Variants in LRP1B observed in about 807,000 individuals in gnomAD.
LRP1B encodes low-density lipoprotein receptor-related protein 1B.
LRP1B carries 217 observed loss-of-function variants against 556.6 expected under a neutral mutation model. The ratio of observed to expected loss-of-function variants is 0.39; its 90% confidence interval spans 0.35 to 0.44. The LOEUF is 0.44. Ranked by LOEUF, LRP1B falls within the 20% of genes least tolerant of loss-of-function variation. The probability of loss-of-function intolerance (pLI) is 1.00; values close to 1 mark genes in which losing one functional copy is unlikely to be tolerated. For synonymous variants in LRP1B, 2,047 were observed against 1,865.8 expected, an observed-to-expected ratio of 1.10 and a Z score of -2.50; for missense variants, 5,053 against 5,620.8, an observed-to-expected ratio of 0.90 and a Z score of 3.23.
At chr2:140,833,819 T>A (rs756969920) in intron 31 of LRP1B, among the ~76,000 whole-genome samples, 1 of 152,200 alleles carries the variant, frequency 6.6e-6, no homozygotes, top group African/African-American at 2.4e-5. Context: ...ACAAAGGTTA[T>A]GTTTAATATG....
At chr2:141,633,472 C>T (rs1302384520) in intron 2 of LRP1B, among the ~76,000 whole-genome samples, 1 of 152,078 alleles carries the variant, frequency 6.6e-6, no homozygotes, top group African/African-American at 2.4e-5. Context: ...AAAAGTTAGC[C>T]TCAAGTTACA....
chr2:140,924,010 T>C (rs1694816006), intron 20 of LRP1B, among the ~76,000 whole-genome samples: 1 of 151,970 alleles, frequency 6.6e-6, no homozygotes, highest in Non-Finnish European at 1.5e-5. Context: ...TTACAGTAAA[T>C]AGATATTTTA....
intron 41 of LRP1B, among the ~76,000 whole-genome samples, chr2:140,621,758 T>A (rs1574153234): frequency 6.6e-6 from 1 of 152,188 alleles, no homozygotes; most frequent in Admixed American, 6.5e-5. Flanking sequence ...ACTGGTAGAG[T>A]GATCACATCA....
intron 2 of LRP1B, among the ~76,000 whole-genome samples, chr2:141,505,903 T>C (rs1466494723): frequency 6.6e-6 from 1 of 152,080 alleles, no homozygotes; most frequent in Admixed American, 6.6e-5. Flanking sequence ...ACTGATACAA[T>C]TTATTGACCA....
At chr2:140,272,642 A>G (rs983884734) in intron 85 of LRP1B, among the ~76,000 whole-genome samples, 5 of 151,966 alleles carry the variant, frequency 3.3e-5, no homozygotes, top group Admixed American at 3.3e-4. Flanking sequence ...TTGTTTTACT[A>G]TCTGTTCTTT....
intron 23 of LRP1B, among the ~76,000 whole-genome samples, chr2:140,891,549 C>G (rs1693799631): frequency 6.6e-6 from 1 of 152,102 alleles, no homozygotes; most frequent in Non-Finnish European, 1.5e-5. Context: ...TTGAACTTTT[C>G]TGTCCCATCA....
At position 140,825,962 on chromosome 2, in the gene LRP1B, C is replaced by T. The variant is rs562666059; in HGVS notation, c.5210-12156G>A. Among the ~76,000 whole-genome samples, 21 of 152,298 alleles carry T rather than the reference C, an allele frequency of 1.4e-4. No individual in the cohort carries two copies. In the South Asian group the frequency reaches 4.3e-3, roughly 32 times the overall value. On this transcript the variant is annotated intron_variant, in intron 31 of 90. Coordinates refer to ENST00000389484, the MANE Select transcript of LRP1B (RefSeq NM_018557.3). ...ATTTTGCTGATGTGATAACTATCTG[C>T]AATCAGTTGACTTTAAGTAAGGGAG...
At chr2:141,017,496 A>T (rs1022882329) in intron 12 of LRP1B, among the ~76,000 whole-genome samples, 1 of 151,780 alleles carries the variant, frequency 6.6e-6, no homozygotes, top group African/African-American at 2.4e-5. Flanking sequence ...CGAGACAGAG[A>T]TAAATCTGGA....
At chr2:141,587,928 G>T (rs1574110141) in intron 2 of LRP1B, among the ~76,000 whole-genome samples, 1 of 152,068 alleles carries the variant, frequency 6.6e-6, no homozygotes. Flanking sequence ...ATACACCAAG[G>T]TTACTTTTCT....
chr2:140,840,134 C>T (rs1692055141), intron 30 of LRP1B, 49 bp from the exon 31 acceptor site: 1 of 1,034,552 alleles, frequency 9.7e-7, no homozygotes. Flanking sequence ...TAGACCTACT[C>T]ACTGAGAAGA....
chr2:142,130,503 C>T (rs997469620), intron 1 of LRP1B, 145 bp downstream of exon 1: 2 of 661,988 alleles, frequency 3.0e-6, no homozygotes, highest in Non-Finnish European at 2.6e-6. Flanking sequence ...CTCTCACCCC[C>T]GCACAGGGCC....
intron 41 of LRP1B, among the ~76,000 whole-genome samples, chr2:140,610,347 C>G (rs1329282890): frequency 6.6e-6 from 1 of 152,112 alleles, no homozygotes; most frequent in African/African-American, 2.4e-5. Flanking sequence ...TTTCTGAATC[C>G]ATTGAGCAAT....
At chr2:142,012,367 C>A (rs985582120) in intron 1 of LRP1B, among the ~76,000 whole-genome samples, 14 of 152,032 alleles carry the variant, frequency 9.2e-5, no homozygotes. Context: ...CTTTATCTTA[C>A]AAAATCTGTG....
chr2:141,639,948 A>T (rs6719124), intron 2 of LRP1B, among the ~76,000 whole-genome samples: 88,827 of 151,978 alleles, frequency 0.58, 26,167 homozygotes, highest in African/African-American at 0.62. Context: ...GAGGAAAAGA[A>T]AACGCAATGG....
chr2:141,134,520 C>A (rs757217454), intron 7 of LRP1B, among the ~76,000 whole-genome samples: 12 of 151,772 alleles, frequency 7.9e-5, no homozygotes, highest in Non-Finnish European at 4.4e-5. Context: ...TTACTTAAGA[C>A]AGTTCTTTGT....
intron 2 of LRP1B, among the ~76,000 whole-genome samples, chr2:141,764,934 A>AT (rs1303569182): frequency 2.6e-5 from 4 of 152,074 alleles, no homozygotes; most frequent in Non-Finnish European, 5.9e-5. Flanking sequence ...CTATAATATT[A>AT]TTTTTTAAAT....
chr2:140,678,849 C>T (rs1017596648), intron 41 of LRP1B, among the ~76,000 whole-genome samples: 2 of 149,760 alleles, frequency 1.3e-5, no homozygotes, highest in African/African-American at 2.5e-5. Context: ...ATAGTCTTGG[C>T]TCACTGCAAC....
intron 2 of LRP1B, among the ~76,000 whole-genome samples, chr2:141,781,616 G>A (rs951885099): frequency 8.6e-5 from 13 of 152,046 alleles, no homozygotes; most frequent in African/African-American, 2.4e-4. Context: ...TTTGAACTTC[G>A]GCAGAGGAGT....
chr2:141,267,699 C>A (rs368220461), intron 3 of LRP1B, among the ~76,000 whole-genome samples: 2 of 152,128 alleles, frequency 1.3e-5, no homozygotes, highest in African/African-American at 4.8e-5. Flanking sequence ...GAGAAAAATA[C>A]AATTGCCAGT....
Sources: allele counts gnomAD v4.1 joint callset (sites outside exome capture counted in the v4.1 genomes callset), GRCh38; gene constraint gnomAD v4.1.1; transcripts MANE v1.5; gene names NCBI Gene and HGNC (gene_info 2026-07-23, HGNC 2026-07-21).